The following CRPPA variants were observed in gnomAD, a reference collection of about 807,000 sequenced individuals.
CRPPA encodes CDP-L-ribitol pyrophosphorylase A, also known as D-ribitol-5-phosphate cytidylyltransferase.
Under a neutral mutation model 52.0 loss-of-function variants are expected in CRPPA, and 43 were observed. The observed-to-expected ratio is 0.83, with a 90% CI of 0.65 to 1.07. CRPPA has a LOEUF of 1.07. Ranked by LOEUF, CRPPA falls within the 50% of genes least tolerant of loss-of-function variation. The pLI, the probability that CRPPA is intolerant of heterozygous loss-of-function variation, is 0.00. For missense variants in CRPPA, 629 were observed against 551.7 expected, an observed-to-expected ratio of 1.14 and a Z score of -1.40; for synonymous variants, 250 against 203.5, an observed-to-expected ratio of 1.23 and a Z score of -1.94.
At chr7:16,217,933 A>G (rs905861520) in intron 8 of CRPPA, among the ~76,000 whole-genome samples, 2 of 151,372 alleles carry the variant, frequency 1.3e-5, no homozygotes, top group African/African-American at 4.8e-5. Context: ...TTCAGGAAAT[A>G]CAGAGAACGC....
intron 6 of CRPPA, among the ~76,000 whole-genome samples, chr7:16,265,444 C>A (rs879381998): frequency 1.3e-5 from 2 of 152,172 alleles, no homozygotes; most frequent in Non-Finnish European, 2.9e-5. Context: ...ACATTCAGCC[C>A]GGAAGATCCA....
At chr7:16,104,404 G>A (rs181427361) in intron 9 of CRPPA, among the ~76,000 whole-genome samples, 43 of 152,270 alleles carry the variant, frequency 2.8e-4, no homozygotes, top group Non-Finnish European at 4.6e-4. Flanking sequence ...TCTCCAGGTG[G>A]AAAGAACTTT....
intron 1 of CRPPA, among the ~76,000 whole-genome samples, chr7:16,408,119 A>T (rs1259711415): frequency 6.6e-5 from 10 of 150,772 alleles, no homozygotes; most frequent in African/African-American, 1.7e-4. Context: ...AAAAAAAAAA[A>T]AATAAAAAAA....
At chr7:16,397,574 A>G (rs1316521796) in intron 2 of CRPPA, among the ~76,000 whole-genome samples, 4 of 140,650 alleles carry the variant, frequency 2.8e-5, no homozygotes, top group African/African-American at 1.3e-4. Flanking sequence ...AATTTGACTG[A>G]CATATGAGAC....
chr7:16,304,793 G>A (rs1306448495), intron 4 of CRPPA, among the ~76,000 whole-genome samples: 1 of 152,164 alleles, frequency 6.6e-6, no homozygotes, highest in Non-Finnish European at 1.5e-5. Flanking sequence ...TGAACTCCCT[G>A]ACTTTTCAGG....
intron 9 of CRPPA, among the ~76,000 whole-genome samples, chr7:16,206,083 G>T (rs1320026339): frequency 1.3e-5 from 2 of 152,088 alleles, no homozygotes; most frequent in Non-Finnish European, 2.9e-5. Context: ...ATGCAGATAG[G>T]TGTATTCTAA....
chr7:16,242,260 A>C (rs187384050), intron 8 of CRPPA, among the ~76,000 whole-genome samples: 4 of 151,988 alleles, frequency 2.6e-5, no homozygotes, highest in Non-Finnish European at 4.4e-5. Flanking sequence ...AGCCAAATCT[A>C]ATCTTTTTAA....
intron 3 of CRPPA, among the ~76,000 whole-genome samples, chr7:16,338,041 A>G (rs1328057498): frequency 2.0e-5 from 3 of 152,204 alleles, no homozygotes; most frequent in Admixed American, 6.5e-5. Context: ...AGGACACTAC[A>G]AGAAAACAAA....
intron 4 of CRPPA, among the ~76,000 whole-genome samples, chr7:16,302,295 CAAAAAA>C (rs34666735): frequency 3.7e-5 from 2 of 53,374 alleles, no homozygotes; most frequent in South Asian, 1.2e-3. Context: ...GACTCTGTCT[CAAAAAA>C]AAAAAAAAAA....
At chr7:16,240,995 C>T (rs929991664) in intron 8 of CRPPA, among the ~76,000 whole-genome samples, 1 of 151,974 alleles carries the variant, frequency 6.6e-6, no homozygotes, top group African/African-American at 2.4e-5. Flanking sequence ...TATATTTTTA[C>T]TTTTTCCATG....
At chr7:16,317,325 C>G (rs1785164336) in intron 3 of CRPPA, among the ~76,000 whole-genome samples, 2 of 152,164 alleles carry the variant, frequency 1.3e-5, no homozygotes, top group African/African-American at 4.8e-5. Flanking sequence ...GGTATAGTGT[C>G]TAGCTTATGA....
chr7:16,289,051 G>C (rs1020465288), intron 5 of CRPPA, among the ~76,000 whole-genome samples: 4 of 151,834 alleles, frequency 2.6e-5, no homozygotes, highest in Non-Finnish European at 5.9e-5. Flanking sequence ...GAAATACAGA[G>C]GATGATGAGA....
At chr7:16,277,821 G>C (rs978108002) in intron 6 of CRPPA, among the ~76,000 whole-genome samples, 1 of 152,024 alleles carries the variant, frequency 6.6e-6, no homozygotes. Context: ...TAAGCATCTA[G>C]CATGTGCTGG....
intron 5 of CRPPA, among the ~76,000 whole-genome samples, chr7:16,281,024 G>GA (rs201285033): frequency 4.0e-5 from 6 of 150,924 alleles, no homozygotes; most frequent in African/African-American, 1.5e-4. Context: ...TGTTTCAAGG[G>GA]AAAAAAAAAT....
intron 9 of CRPPA, among the ~76,000 whole-genome samples, chr7:16,102,834 G>T (rs376954905): frequency 1.3e-5 from 2 of 152,282 alleles, no homozygotes; most frequent in East Asian, 3.9e-4. Context: ...TGGAGAAATA[G>T]GAACACTTTT....
intron 9 of CRPPA, among the ~76,000 whole-genome samples, chr7:16,200,503 C>G (rs1356859343): frequency 6.6e-6 from 1 of 152,168 alleles, no homozygotes; most frequent in Non-Finnish European, 1.5e-5. Context: ...CATTCACATC[C>G]TACAAATTCA....
chr7:16,113,935 G>A (rs1562510437), intron 9 of CRPPA, among the ~76,000 whole-genome samples: 1 of 151,844 alleles, frequency 6.6e-6, no homozygotes, highest in South Asian at 2.1e-4. Context: ...AAACACAGTA[G>A]TCTCTAGAAA....
chr7:16,381,686 G>A (rs1310143751), intron 2 of CRPPA, among the ~76,000 whole-genome samples: 3 of 151,846 alleles, frequency 2.0e-5, no homozygotes, highest in Non-Finnish European at 4.4e-5. Context: ...TGTATTGGGT[G>A]CATATATATT....
intron 9 of CRPPA, among the ~76,000 whole-genome samples, chr7:16,129,479 T>C (rs910173128): frequency 1.3e-5 from 2 of 152,106 alleles, no homozygotes; most frequent in African/African-American, 4.8e-5. Context: ...TAGGCTCTCA[T>C]TGTCTCTCTC....
Sources: allele counts gnomAD v4.1 joint callset (sites outside exome capture counted in the v4.1 genomes callset), GRCh38; gene constraint gnomAD v4.1.1; transcripts MANE v1.5; gene names NCBI Gene and HGNC (gene_info 2026-07-23, HGNC 2026-07-21).